Variants in MCF2L observed in about 807,000 individuals in gnomAD.
MCF2L encodes guanine nucleotide exchange factor DBS.
A neutral mutation model predicts 153.4 loss-of-function variants in MCF2L; 97 were observed. That is an observed-to-expected ratio of 0.63 (90% confidence interval 0.54 to 0.75). The LOEUF is 0.75. Ranked by LOEUF, MCF2L falls within the 30% of genes least tolerant of loss-of-function variation. The pLI, the probability that MCF2L is intolerant of heterozygous loss-of-function variation, is 0.00. For missense variants in MCF2L, 1,347 were observed against 1,495.2 expected, an observed-to-expected ratio of 0.90 and a Z score of 1.64; for synonymous variants, 659 against 632.2, an observed-to-expected ratio of 1.04 and a Z score of -0.64.
rs1450337006 is a variant in MCF2L at position 113,064,889 on chromosome 13, TG to T, written c.607-44del. On this transcript the variant is annotated intron_variant, in intron 6 of 29. Transcript: ENST00000535094. This position sits in a 1 kb window ranked among gnomAD's most constrained non-coding sequence, Gnocchi z 6.0. ...TGTCTGCTTTCAGGGCAGCAGGAGGTGGGTGCAGTGCACAAGGCATGCAATT... is the reference window on the plus strand; with the variant it reads ...TGTCTGCTTTCAGGGCAGCAGGAGGTGGTGCAGTGCACAAGGCATGCAATT... 4 of 1,569,400 alleles carry T rather than the reference TG, an allele frequency of 2.5e-6. No homozygotes were observed. The Admixed American group carries it at 7.0e-5, about 27-fold the overall frequency.
intron 2 of MCF2L, among the ~76,000 whole-genome samples, chr13:112,962,217 AGT>A (rs2081838910): frequency 1.2e-5 from 1 of 86,938 alleles, no homozygotes; most frequent in Non-Finnish European, 2.9e-5. Context: ...ACTTGCACAC[AGT>A]CACACTTACA....
In MCF2L at chr13:113,049,330, T is replaced by C. The variant is rs115274878; in HGVS notation, c.369+3969T>C. 5.8e-3 allele frequency among the ~76,000 whole-genome samples: 802 copies of C among 138,980 alleles called. 3 individuals are homozygous for C. The highest frequency in any genetic ancestry group is 0.02 in the African/African-American group (741 of 37,200). 91.2% of individuals were successfully genotyped at this position (138,980 alleles called of 152,430 possible). The stretch of plus-strand genomic sequence containing the variant: ...GGGCAGACCAGGAGGGGTGAGGGTC[T>C]CTGCAGTGGGGAAGGGGTGGGTGGT... On this transcript the variant is annotated intron_variant, in intron 4 of 29. Coordinates refer to ENST00000535094, the MANE Select transcript of MCF2L (RefSeq NM_001112732.3).
At chr13:113,014,369 G>C (rs1194615702) in intron 1 of MCF2L, among the ~76,000 whole-genome samples, 1 of 152,190 alleles carries the variant, frequency 6.6e-6, no homozygotes, top group Non-Finnish European at 1.5e-5. Flanking sequence ...TGCGGGGCAG[G>C]GGTCGCCTGA....
chr13:113,070,235 G>A lies in MCF2L; in HGVS notation c.996+62G>A, dbSNP rs894900090. 4 of 1,185,716 alleles carry A rather than the reference G, an allele frequency of 3.4e-6. No homozygotes were observed. The highest frequency in any genetic ancestry group is 3.0e-5 in the South Asian group (2 of 65,932). 73.4% of individuals were successfully genotyped at this position (1,185,716 alleles called of 1,614,324 possible). On this transcript the variant is annotated intron_variant, in intron 9 of 29. Transcript: ENST00000535094. The surrounding 1 kb of genome is among the most constrained non-coding windows in gnomAD (Gnocchi z 5.6). Reference sequence around the variant, plus strand: ...TGCTCACGGGGCCTCCTGTGCCTGCGCCCTGGTCCCAGTGCCGGGAGCTGA... The same window carrying A: ...TGCTCACGGGGCCTCCTGTGCCTGCACCCTGGTCCCAGTGCCGGGAGCTGA...
Position 112,969,233 on chromosome 13 carries a change from G to GGGA in MCF2L, c.-144_-142dup. ...GGTGGCGCGGAACCAATCCTGGGCAGGGAGGCGGCGGCTGGAGGCTGAAAG... is the reference window on the plus strand; with the variant it reads ...GGTGGCGCGGAACCAATCCTGGGCAGGGAGGAGGCGGCGGCTGGAGGCTGAAAG... On this transcript the variant is annotated 5_prime_UTR_variant, in exon 1 of 30. Transcript: ENST00000535094. This position sits in a 1 kb window ranked among gnomAD's most constrained non-coding sequence, Gnocchi z 4.8. The GGGA allele has an allele frequency of 7.4e-7, 1 of 1,346,914 alleles. No homozygotes were observed. The highest frequency in any genetic ancestry group is 9.6e-7 in the Non-Finnish European group (1 of 1,041,384). 83.4% of individuals were successfully genotyped at this position (1,346,914 alleles called of 1,614,324 possible). A position where few individuals can be genotyped will look rare whatever the true frequency, so the allele number is the denominator to read the frequency against.
chr13:113,040,894 C>T (rs1452249503), intron 3 of MCF2L: 1 of 152,194 alleles, frequency 6.6e-6, no homozygotes, highest in Non-Finnish European at 1.5e-5. Flanking sequence ...CCATGGGGCT[C>T]CCAAGGTCAC....
Position 113,006,796 on chromosome 13 carries a change from C to G in MCF2L, c.80-7967C>G, listed in dbSNP as rs2083729000. Among the ~76,000 whole-genome samples, 3 of 152,236 alleles carry G rather than the reference C, an allele frequency of 2.0e-5. No individual in the cohort carries two copies. The South Asian group carries it at 6.2e-4, about 32-fold the overall frequency. The stretch of plus-strand genomic sequence containing the variant: ...AGTCACTTGAGAACGCCCCGAGCAT[C>G]TGGCCCAGGAGGCTCGGCCTGGAGC... On this transcript the variant is annotated intron_variant, in intron 1 of 29. Coordinates refer to ENST00000535094, the MANE Select transcript of MCF2L (RefSeq NM_001112732.3).
chr13:112,940,021 T>G (rs1050879767), intron 2 of MCF2L, among the ~76,000 whole-genome samples: 4 of 150,862 alleles, frequency 2.7e-5, no homozygotes, highest in Non-Finnish European at 5.9e-5. Flanking sequence ...AGGGGATGCT[T>G]GCAGCTGGGG....
Position 113,086,160 on chromosome 13 carries a change from G to A in MCF2L, c.2284G>A (p.Glu762Lys). Residue 762 changes from glutamate (E) to lysine (K), a missense_variant, in exon 21 of 30, where the codon GAG (glutamate) becomes AAG (lysine). By Grantham distance (56) the Glu-to-Lys change is moderately conservative. Around this residue, in one of 3 missense-constraint regions of MCF2L, gnomAD observed 144 missense variants for 238.7 expected, o/e 0.60. Coordinates refer to ENST00000535094, the MANE Select transcript of MCF2L (RefSeq NM_001112732.3). ...ATACAGCAGGAACTGCGAGGGGGCT[G>A]AGGACCTGCAGGAGGCGCTGAGCTC... ...LKYSRNCEGA[E>K]DLQEALSSIL... is the part of the protein sequence containing the mutation. 2 of 1,610,838 alleles carry A rather than the reference G, an allele frequency of 1.2e-6. No individual in the cohort carries two copies. Among genetic ancestry groups the A allele is most frequent in the South Asian group, 1.1e-5 (1 of 90,704 alleles).
intron 26 of MCF2L, chr13:113,090,267 C>T (rs541901116): frequency 7.5e-6 from 10 of 1,336,796 alleles, no homozygotes; most frequent in South Asian, 2.6e-5. Flanking sequence ...CACGCAAAAG[C>T]GTTTCTTTCC....
chr13:112,966,874 T>C (rs1477307172), upstream of MCF2L, among the ~76,000 whole-genome samples: 2 of 152,152 alleles, frequency 1.3e-5, no homozygotes, highest in African/African-American at 4.8e-5. This position sits in a 1 kb window ranked among gnomAD's most constrained non-coding sequence, Gnocchi z 4.1. Context: ...GAAATGCACA[T>C]CCTCGGGCCC....
In MCF2L at chr13:113,024,764, T is replaced by G. The variant is rs2085117814; in HGVS notation, c.278+6T>G. The G allele has an allele frequency of 6.2e-7, 1 of 1,606,750 alleles. No homozygotes were observed. The highest frequency in any genetic ancestry group is 8.5e-7 in the Non-Finnish European group (1 of 1,173,402). ...TACCTCACCAGCATCCCCAGGTACG[T>G]GCACCCAGAGCCCGGCAGACATTGT... is the stretch of plus-strand genomic sequence containing the variant. On this transcript the variant is annotated splice_donor_region_variant and intron_variant, in intron 3 of 29. Transcript: ENST00000535094.
chr13:113,069,929 G>A, intron 8 of MCF2L, 130 bp from the exon 9 acceptor site: 2 of 578,800 alleles, frequency 3.5e-6, no homozygotes, highest in Non-Finnish European at 6.0e-6. Flanking sequence ...TGCAGGGAGT[G>A]AGCGGAGGCC....
chr13:112,994,620 A>T (rs2083041682), intron 1 of MCF2L, among the ~76,000 whole-genome samples: 1 of 152,206 alleles, frequency 6.6e-6, no homozygotes, highest in Non-Finnish European at 1.5e-5. Context: ...GGGCGCGGTG[A>T]CCAATGTGTG....
At chr13:113,025,220 G>A (rs1231212464) in intron 3 of MCF2L, among the ~76,000 whole-genome samples, 1 of 105,062 alleles carries the variant, frequency 9.5e-6, no homozygotes, top group Non-Finnish European at 2.0e-5. Context: ...CCCCGTGACT[G>A]TGGGTCGGGG....
chr13:112,991,256 TG>T (rs1466064566), intron 1 of MCF2L, among the ~76,000 whole-genome samples: 1 of 151,970 alleles, frequency 6.6e-6, no homozygotes, highest in African/African-American at 2.4e-5. Context: ...CGCTGTGTTT[TG>T]GGGGGCATCT....
In MCF2L at chr13:113,078,401, G is replaced by T. The variant is rs750570892; in HGVS notation, c.1699G>T (p.Gly567Cys). The T allele has an allele frequency of 3.7e-6, 6 of 1,612,994 alleles. No homozygotes were observed. Among genetic ancestry groups the T allele is most frequent in the Non-Finnish European group, 5.1e-6 (6 of 1,179,854 alleles). Residue 567 changes from glycine to cysteine, a missense_variant, in exon 14 of 30, where the codon GGT becomes TGT. Physicochemically the swap from Gly to Cys is radical, Grantham distance 159. This residue lies in a region of MCF2L where 820 missense variants were observed against 921.2 expected (regional missense o/e 0.89). Coordinates refer to ENST00000535094, the MANE Select transcript of MCF2L (RefSeq NM_001112732.3). ...RGSENSSSEG[G>C]ALRRGPYRRA... ...CTCTGAGAACTCCAGCTCCGAGGGC[G>T]GTGCGCTCCGGAGAGGGCCCTACCG...
At chr13:112,944,295 T>C (rs143331947) in intron 2 of MCF2L, among the ~76,000 whole-genome samples, 1 of 152,182 alleles carries the variant, frequency 6.6e-6, no homozygotes, top group African/African-American at 2.4e-5. Context: ...GACCCTCATT[T>C]ACTGGGAATC....
intron 12 of MCF2L, among the ~76,000 whole-genome samples, chr13:113,076,687 G>A (rs907682422): frequency 1.3e-5 from 2 of 152,258 alleles, no homozygotes; most frequent in African/African-American, 2.4e-5. Context: ...TGGCCATCCC[G>A]CCTCCGCTGG....
Sources: allele counts gnomAD v4.1 joint callset (sites outside exome capture counted in the v4.1 genomes callset), GRCh38; gene constraint gnomAD v4.1.1; regional missense constraint gnomAD v4.1.1; non-coding constraint Gnocchi (gnomAD v3.1); transcripts MANE v1.5; gene names NCBI Gene and HGNC (gene_info 2026-07-23, HGNC 2026-07-21).